The following POLR3F variants were observed in gnomAD, a reference collection of about 807,000 sequenced individuals.
POLR3F encodes the protein DNA-directed RNA polymerase III subunit RPC6.
Under a neutral mutation model 43.6 loss-of-function variants are expected in POLR3F, and 31 were observed. That is an observed-to-expected ratio of 0.71 (90% CI 0.53 to 0.96). POLR3F has a LOEUF of 0.96. Among genes scored for constraint, POLR3F ranks in the 40% least tolerant of loss-of-function variants. The pLI is 0.00. For missense variants in POLR3F, 316 were observed against 391.7 expected, an observed-to-expected ratio of 0.81 and a Z score of 1.63; for synonymous variants, 114 against 132.5, an observed-to-expected ratio of 0.86 and a Z score of 0.96.
In POLR3F at chr20:18,468,967, TCC is replaced by T; in HGVS notation, c.88_89del (p.Pro30SerfsTer11). Reference sequence around the variant, plus strand: ...AGGATTATAGAATTATGTCACCAGTTCCCTCATGGAATCACAGACCAAGTAAT... The same window carrying T: ...AGGATTATAGAATTATGTCACCAGTTCTCATGGAATCACAGACCAAGTAAT... On this transcript the variant is annotated frameshift_variant, in exon 2 of 9. Transcript: ENST00000377603. LOFTEE classifies it high-confidence loss of function. The T allele has an allele frequency of 6.4e-7, 1 of 1,550,550 alleles. No homozygotes were observed. Among genetic ancestry groups the T allele is most frequent in the Non-Finnish European group, 8.9e-7 (1 of 1,121,802 alleles).
Position 18,467,514 on chromosome 20 carries a change from A to C in POLR3F, c.8A>C (p.Glu3Ala), listed in dbSNP as rs187265865. The C allele has an allele frequency of 7.9e-5, 127 of 1,614,178 alleles. 1 individual carries two copies. In the East Asian group the frequency reaches 2.7e-3, roughly 35 times the overall value. The change falls in exon 1 of 9, where the codon GAG becomes GCG. Residue 3 changes from glutamate (E) to alanine (A), a missense_variant. Glu to Ala is a moderately radical substitution (Grantham distance 107, BLOSUM62 -1). Around this residue, in one of 3 missense-constraint regions of POLR3F, gnomAD observed 122 missense variants for 133.8 expected, o/e 0.91. Transcript: ENST00000377603. MA[E>A]VKVKVQPPDA... Reference sequence around the variant, plus strand: ...GTCAGGAACTGCGCCCTCATGGCGGAGGTGAAGGTGAAGGTGCAGCCGCCT... The same window carrying C: ...GTCAGGAACTGCGCCCTCATGGCGGCGGTGAAGGTGAAGGTGCAGCCGCCT...
intron 2 of POLR3F, among the ~76,000 whole-genome samples, chr20:18,471,378 C>T (rs1040608435): frequency 2.0e-5 from 3 of 152,176 alleles, no homozygotes; most frequent in African/African-American, 7.2e-5. Flanking sequence ...TGGGCCGCAG[C>T]CTGTTCTCCG....
intron 7 of POLR3F, among the ~76,000 whole-genome samples, chr20:18,480,833 G>A (rs2059806111): frequency 6.6e-6 from 1 of 151,796 alleles, no homozygotes; most frequent in African/African-American, 2.4e-5. Context: ...AAGTGCCACT[G>A]TACCCTAGCC....
At chr20:18,468,754 T>A (rs989950028) in intron 1 of POLR3F, among the ~76,000 whole-genome samples, 190 bp from the exon 2 acceptor site, 1 of 152,248 alleles carries the variant, frequency 6.6e-6, no homozygotes, top group African/African-American at 2.4e-5. Context: ...ACAATAATAC[T>A]GTAAACATGT....
intron 8 of POLR3F, among the ~76,000 whole-genome samples, chr20:18,483,084 C>G (rs1232394175): frequency 6.6e-6 from 1 of 152,076 alleles, no homozygotes; most frequent in Non-Finnish European, 1.5e-5. Flanking sequence ...CCTCGCCCCC[C>G]GAGATGGAGT....
At chr20:18,472,788 T>C in intron 2 of POLR3F, 54 bp from the exon 3 acceptor site, 1 of 787,460 alleles carries the variant, frequency 1.3e-6, no homozygotes, top group Non-Finnish European at 2.1e-6. Flanking sequence ...TGTCATTTGA[T>C]TTAACATATC....
chr20:18,479,991 G>T, intron 5 of POLR3F, 47 bp from the exon 6 acceptor site: 1 of 1,480,018 alleles, frequency 6.8e-7, no homozygotes, highest in Non-Finnish European at 9.1e-7. Context: ...TTTGTTTTTG[G>T]AAATTGTTAT....
At chr20:18,481,889 C>A in intron 8 of POLR3F, 79 bp downstream of exon 8, 1 of 845,722 alleles carries the variant, frequency 1.2e-6, no homozygotes, top group Non-Finnish European at 1.9e-6. Flanking sequence ...CAAGCACAGC[C>A]CAGTTTTCTC....
intron 5 of POLR3F, among the ~76,000 whole-genome samples, chr20:18,478,365 G>A (rs2059791320): frequency 6.6e-6 from 1 of 152,040 alleles, no homozygotes; most frequent in South Asian, 2.1e-4. Context: ...ATAGGCACGT[G>A]CCACCATGCT....
chr20:18,480,415 G>T lies in POLR3F; in HGVS notation c.587G>T (p.Arg196Leu). ...KFLQSKAETA[R>L]ESKQNPMIQR... ...CAATCCTTATAGGCAGAAACAGCAC[G>T]AGAAAGCAAACAGAACCCAATGATA... Residue 196 changes from arginine to leucine, a missense_variant, in exon 7 of 9, where the codon CGA (arginine) becomes CTA (leucine). Around this residue, in one of 3 missense-constraint regions of POLR3F, gnomAD observed 109 missense variants for 177.7 expected, o/e 0.61. Transcript: ENST00000377603. 6.2e-7 allele frequency: 1 copy of T among 1,608,532 alleles called. No homozygotes were observed. Among genetic ancestry groups the T allele is most frequent in the East Asian group, 2.2e-5 (1 of 44,808 alleles).
intron 2 of POLR3F, among the ~76,000 whole-genome samples, chr20:18,469,726 A>G (rs2059737838): frequency 6.6e-6 from 1 of 152,264 alleles, no homozygotes; most frequent in Non-Finnish European, 1.5e-5. Flanking sequence ...GCGTTATAAG[A>G]CAAATGAAAT....
chr20:18,471,519 C>A (rs2059750983), intron 2 of POLR3F, among the ~76,000 whole-genome samples: 1 of 152,210 alleles, frequency 6.6e-6, no homozygotes, highest in Non-Finnish European at 1.5e-5. Flanking sequence ...ATCATAACAC[C>A]TGGCACAGTA....
Position 18,484,051 on chromosome 20 carries a change from A to G in POLR3F, c.*493A>G, listed in dbSNP as rs553768449. 1 of 398,588 alleles carries G rather than the reference A, an allele frequency of 2.5e-6. No individual in the cohort carries two copies. The highest frequency in any genetic ancestry group is 2.1e-5 in the African/African-American group (1 of 48,738). 24.7% of individuals were successfully genotyped at this position (398,588 alleles called of 1,614,324 possible). On this transcript the variant is annotated 3_prime_UTR_variant, in exon 9 of 9. Coordinates refer to ENST00000377603, the MANE Select transcript of POLR3F (RefSeq NM_006466.4). The stretch of plus-strand genomic sequence containing the variant: ...AAGGGGTTAAAGGCAGGAATAGCAA[A>G]GAGTGCAAACTTGGGGTATGACTGG...
chr20:18,467,843 A>G (rs560011104), intron 1 of POLR3F, among the ~76,000 whole-genome samples: 2 of 152,102 alleles, frequency 1.3e-5, no homozygotes, highest in Non-Finnish European at 2.9e-5. Flanking sequence ...CTGCCTTCCT[A>G]CTTTGACGCG....
In POLR3F at chr20:18,480,620, G is replaced by A. The variant is rs953277440; in HGVS notation, c.681+111G>A. On this transcript the variant is annotated intron_variant, in intron 7 of 8. Coordinates refer to ENST00000377603, the MANE Select transcript of POLR3F (RefSeq NM_006466.4). ...TTTTTTTTTTTGAGATGATAGCTAC[G>A]AACATTCTGCAGAATCCACTTTGGG... 1.9e-5 allele frequency: 13 copies of A among 683,264 alleles called. No homozygotes were observed. In the Middle Eastern group the frequency reaches 1.3e-3, roughly 67 times the overall value. The allele number at this position is 683,264 out of a possible 1,614,324, so 42.3% of individuals were successfully genotyped here.
chr20:18,474,393 TAA>T (rs562596124), intron 4 of POLR3F, among the ~76,000 whole-genome samples: 19 of 152,152 alleles, frequency 1.2e-4, no homozygotes, highest in Non-Finnish European at 2.1e-4. Flanking sequence ...GACCCAAATT[TAA>T]GTTTGTATTT....
At chr20:18,481,585 T>C (rs1434490696) in intron 7 of POLR3F, 34 bp from the exon 8 acceptor site, 2 of 1,415,224 alleles carry the variant, frequency 1.4e-6, no homozygotes, top group Admixed American at 1.7e-5. Context: ...CTCCCTATCC[T>C]ACTTGTGTCC....
chr20:18,479,014 G>A (rs1049482661), intron 5 of POLR3F, among the ~76,000 whole-genome samples: 4 of 151,890 alleles, frequency 2.6e-5, no homozygotes, highest in Non-Finnish European at 5.9e-5. Context: ...GCATAGTGAC[G>A]GGCGCCTGTA....
Position 18,482,480 on chromosome 20 carries a change from T to C in POLR3F, c.873+670T>C, listed in dbSNP as rs187863558. Among the ~76,000 whole-genome samples the C allele has an allele frequency of 6.6e-5, 10 of 152,280 alleles. No homozygotes were observed. The East Asian group carries it at 1.9e-3, about 29-fold the overall frequency. On this transcript the variant is annotated intron_variant, in intron 8 of 8. Transcript: ENST00000377603. ...ATAGGCGGTCTCATTTAATCCTCCTTACATTCTTGAAGCTAGTGGTGTTAT... is the reference window on the plus strand; with the variant it reads ...ATAGGCGGTCTCATTTAATCCTCCTCACATTCTTGAAGCTAGTGGTGTTAT...
Sources: gnomAD v4.1 joint callset for allele counts (sites outside exome capture counted in the v4.1 genomes callset) on GRCh38, gnomAD v4.1.1 for gene constraint, gnomAD v4.1.1 regional missense constraint, MANE v1.5 for transcripts, NCBI Gene and HGNC (gene_info 2026-07-23, HGNC 2026-07-21) for gene names.